NCOA2: variants seen among roughly 807,000 people sequenced by gnomAD.
NCOA2 encodes the protein nuclear receptor coactivator 2, also known as class E basic helix-loop-helix protein 75.
Under a neutral mutation model 145.1 loss-of-function variants are expected in NCOA2, and 21 were observed. The observed-to-expected ratio is 0.14, with a 90% CI of 0.10 to 0.21. The LOEUF (loss-of-function observed/expected upper bound fraction) is 0.21. Ranked by LOEUF, NCOA2 falls within the 10% of genes least tolerant of loss-of-function variation. The pLI is 1.00. For missense variants in NCOA2, 1,472 were observed against 1,837.6 expected (o/e 0.80, Z 3.64); for synonymous variants, 619 against 637.5 (o/e 0.97, Z 0.44).
the NCOA2 span, among the ~76,000 whole-genome samples, chr8:70,427,836 A>G: frequency 1.3e-5 from 2 of 152,328 alleles, no homozygotes; most frequent in South Asian, 4.1e-4. Flanking sequence ...AGTGGTTTAC[A>G]TTCACTTTCT....
Position 70,166,655 on chromosome 8 carries a change from C to G in NCOA2, c.641G>C (p.Gly214Ala). ...VKPLPDSEEE[G>A]HDNQEAHQKY... is the part of the protein sequence containing the mutation. ...CTGATGAGCTTCCTGGTTATCATGACCCTCCTCTTCTGAATCAGGTAAAGG... is the reference window on the plus strand; with the variant it reads ...CTGATGAGCTTCCTGGTTATCATGAGCCTCCTCTTCTGAATCAGGTAAAGG... Residue 214 changes from glycine to alanine, a missense_variant, in exon 7 of 23, where the codon GGT becomes GCT. This residue lies in a region of NCOA2 where 284 missense variants were observed against 467.8 expected (regional missense o/e 0.61). Transcript: ENST00000452400. 4.3e-6 allele frequency: 7 copies of G among 1,613,970 alleles called. No individual in the cohort carries two copies. Among genetic ancestry groups the G allele is most frequent in the Non-Finnish European group, 5.9e-6 (7 of 1,179,872 alleles).
chr8:70,348,906 A>C (rs1808918527), intron 1 of NCOA2, among the ~76,000 whole-genome samples: 1 of 151,948 alleles, frequency 6.6e-6, no homozygotes, highest in Non-Finnish European at 1.5e-5. Context: ...GAGCTATGTA[A>C]ATAAGAGAAG....
chr8:70,165,516 CT>C (rs1272077803), intron 7 of NCOA2, among the ~76,000 whole-genome samples: 4 of 152,194 alleles, frequency 2.6e-5, no homozygotes, highest in Non-Finnish European at 4.4e-5. Flanking sequence ...GTCCTCAGCT[CT>C]TTCCCTTCTG....
intron 4 of NCOA2, among the ~76,000 whole-genome samples, chr8:70,197,381 G>A (rs1221896930): frequency 6.6e-6 from 1 of 152,196 alleles, no homozygotes; most frequent in Admixed American, 6.5e-5. Flanking sequence ...TGCAGGCACA[G>A]GCCAAGCTGG....
intron 2 of NCOA2, among the ~76,000 whole-genome samples, chr8:70,284,128 T>C (rs1309504868): frequency 2.6e-5 from 4 of 152,180 alleles, no homozygotes; most frequent in Non-Finnish European, 5.9e-5. Flanking sequence ...TGAGAGAGGC[T>C]GAAGAACACA....
At chr8:70,363,487 A>G (rs1586600918) in intron 1 of NCOA2, among the ~76,000 whole-genome samples, 1 of 152,274 alleles carries the variant, frequency 6.6e-6, no homozygotes, top group Non-Finnish European at 1.5e-5. Context: ...CTAAATTTGT[A>G]GGCAAAAGTT....
intron 15 of NCOA2, among the ~76,000 whole-genome samples, chr8:70,133,427 A>T (rs1254627392): frequency 2.6e-5 from 4 of 151,798 alleles, no homozygotes; most frequent in Admixed American, 6.6e-5. Context: ...GTCTTGCTAC[A>T]TTGCCCAGGC....
rs534436840 is a variant in NCOA2 at position 70,252,602 on chromosome 8, A to G, written c.-19-35838T>C. On this transcript the variant is annotated intron_variant, in intron 2 of 22. Transcript: ENST00000452400. ...CTATGTATTAACTTTTCCCAAATAG[A>G]GTCAAAAGAAAGTGACAATCACATA... Among the ~76,000 whole-genome samples the G allele has an allele frequency of 2.0e-5, 3 of 152,306 alleles. No homozygotes were observed. In the South Asian group the frequency reaches 6.2e-4, roughly 32 times the overall value.
chr8:70,270,194 G>GAA (rs60887167), intron 2 of NCOA2, among the ~76,000 whole-genome samples: 1 of 137,088 alleles, frequency 7.3e-6, no homozygotes, highest in African/African-American at 2.7e-5. Flanking sequence ...AAAACAGGGA[G>GAA]AAAAAAAAAA....
At chr8:70,362,851 G>A (rs1442455819) in intron 1 of NCOA2, among the ~76,000 whole-genome samples, 1 of 152,072 alleles carries the variant, frequency 6.6e-6, no homozygotes, top group Non-Finnish European at 1.5e-5. Flanking sequence ...GCCAAGGTGG[G>A]AGGACTGTTT....
intron 4 of NCOA2, among the ~76,000 whole-genome samples, chr8:70,186,765 T>A (rs751015384): frequency 9.2e-5 from 14 of 152,204 alleles, no homozygotes; most frequent in Non-Finnish European, 1.9e-4. Context: ...GGTAAAACAG[T>A]AGGTGAGAAG....
At chr8:70,363,165 C>T (rs1297696455) in intron 1 of NCOA2, among the ~76,000 whole-genome samples, 4 of 150,752 alleles carry the variant, frequency 2.7e-5, no homozygotes, top group African/African-American at 7.3e-5. Flanking sequence ...GGGTGGATCA[C>T]GAGGTCAGGA....
intron 4 of NCOA2, among the ~76,000 whole-genome samples, chr8:70,182,197 G>A (rs981852279): frequency 3.9e-5 from 6 of 152,184 alleles, no homozygotes; most frequent in South Asian, 2.1e-4. Context: ...TTAAAAGCGC[G>A]CAGCTGCACT....
intron 2 of NCOA2, among the ~76,000 whole-genome samples, chr8:70,230,577 G>A (rs1427692762): frequency 3.9e-5 from 6 of 152,194 alleles, no homozygotes; most frequent in Non-Finnish European, 5.9e-5. Context: ...CAAGTATTTA[G>A]AAAACACACT....
chr8:70,155,947 G>T (rs148892042), intron 11 of NCOA2, 24 bp downstream of exon 11: 5 of 1,530,884 alleles, frequency 3.3e-6, no homozygotes, highest in African/African-American at 1.4e-5. Context: ...TAGTACACCT[G>T]CGAGAAGATG....
At chr8:70,386,575 G>C (rs955859275) in intron 1 of NCOA2, among the ~76,000 whole-genome samples, 7 of 152,112 alleles carry the variant, frequency 4.6e-5, no homozygotes, top group African/African-American at 9.7e-5. Context: ...CTGTATATGA[G>C]AAGAAACAAT....
chr8:70,361,460 A>C (rs971778886), intron 1 of NCOA2, among the ~76,000 whole-genome samples: 10 of 152,074 alleles, frequency 6.6e-5, no homozygotes, highest in African/African-American at 2.2e-4. Context: ...ACAAGAACAA[A>C]ACTCCGTCTC....
chr8:70,130,256 C>T (rs1281012408), intron 16 of NCOA2, among the ~76,000 whole-genome samples: 1 of 152,138 alleles, frequency 6.6e-6, no homozygotes, highest in Non-Finnish European at 1.5e-5. Flanking sequence ...TCAATTCTAC[C>T]TAATAAACAT....
Position 70,302,098 on chromosome 8 carries a change from T to C in NCOA2, c.-76-5298A>G, listed in dbSNP as rs1586423720. 2.6e-5 allele frequency among the ~76,000 whole-genome samples: 4 copies of C among 152,158 alleles called. No homozygotes were observed. The South Asian group carries it at 8.3e-4, about 31-fold the overall frequency. ...GGATATAACCCCAAGAAGAAAGTCA[T>C]ACTTTCACGACTTACCTTTGAAAAC... On this transcript the variant is annotated intron_variant, in intron 1 of 22. Transcript: ENST00000452400.
Sources: gnomAD v4.1 joint callset for allele counts (sites outside exome capture counted in the v4.1 genomes callset) on GRCh38, gnomAD v4.1.1 for gene constraint, gnomAD v4.1.1 regional missense constraint, MANE v1.5 for transcripts, NCBI Gene and HGNC (gene_info 2026-07-23, HGNC 2026-07-21) for gene names.